Variants in PPM1H observed in about 807,000 individuals in gnomAD.
PPM1H encodes the protein protein phosphatase 1H.
A neutral mutation model predicts 54.9 loss-of-function variants in PPM1H; 27 were observed. The ratio of observed to expected loss-of-function variants is 0.49; its 90% CI spans 0.36 to 0.68. The LOEUF (loss-of-function observed/expected upper bound fraction) is 0.68. PPM1H is among the 30% of genes least tolerant of loss of function. The pLI, the probability that PPM1H is intolerant of heterozygous loss-of-function variation, is 0.00. For synonymous variants in PPM1H, 305 were observed against 270.8 expected, an observed-to-expected ratio of 1.13 and a Z score of -1.24; for missense variants, 596 against 667.8, an observed-to-expected ratio of 0.89 and a Z score of 1.19.
chr12:62,813,921 T>C (rs1020814807), intron 2 of PPM1H, among the ~76,000 whole-genome samples: 4 of 151,142 alleles, frequency 2.6e-5, no homozygotes, highest in African/African-American at 9.9e-5. Context: ...TGTTGTTATT[T>C]TAAAACGTTG....
At chr12:62,713,631 A>G (rs1038605428) in intron 6 of PPM1H, among the ~76,000 whole-genome samples, 1 of 152,112 alleles carries the variant, frequency 6.6e-6, no homozygotes, top group African/African-American at 2.4e-5. Context: ...GTGTGGCTAC[A>G]CCATTCCCTG....
At position 62,667,256 on chromosome 12, in the gene PPM1H, C is replaced by T; in HGVS notation, c.1319G>A (p.Trp440Ter). 1 of 1,601,158 alleles carries T rather than the reference C, an allele frequency of 6.2e-7. No homozygotes were observed. Among genetic ancestry groups the T allele is most frequent in the Non-Finnish European group, 8.6e-7 (1 of 1,168,482 alleles). Residue 440 changes from tryptophan to a stop codon, truncating the protein, a stop_gained, in exon 9 of 10, where the codon TGG becomes TAG. Transcript: ENST00000228705. LOFTEE classifies it high-confidence loss of function. ...DVLILATDGL[W>*]DVLSNEEVAE... is the part of the protein sequence containing the mutation. ...TACTTCTTCATTTGATAAAACGTCC[C>T]AGAGTCCATCAGTGGCCAAGATCAG...
intron 4 of PPM1H, among the ~76,000 whole-genome samples, chr12:62,783,729 G>A (rs889260440): frequency 2.0e-5 from 3 of 152,206 alleles, no homozygotes; most frequent in African/African-American, 7.2e-5. Context: ...TTTTAATGCC[G>A]CTATTACTAT....
chr12:62,674,257 C>T (rs1346744266), intron 8 of PPM1H, among the ~76,000 whole-genome samples: 2 of 152,010 alleles, frequency 1.3e-5, no homozygotes, highest in Non-Finnish European at 2.9e-5. Flanking sequence ...GGATTCAATT[C>T]CCAAAGTCTC....
chr12:62,780,664 C>T (rs1181950850), intron 4 of PPM1H, among the ~76,000 whole-genome samples: 1 of 152,164 alleles, frequency 6.6e-6, no homozygotes, highest in Non-Finnish European at 1.5e-5. Flanking sequence ...TGTGGTTAAG[C>T]TTCACCTGGT....
At chr12:62,811,827 C>A (rs149994544) in intron 2 of PPM1H, among the ~76,000 whole-genome samples, 1,540 of 152,284 alleles carry the variant, frequency 0.01, 9 homozygotes, top group Non-Finnish European at 0.015. Context: ...AACTGTGAGT[C>A]AATTAAACCT....
intron 2 of PPM1H, among the ~76,000 whole-genome samples, chr12:62,807,144 G>C (rs1240393712): frequency 6.6e-6 from 1 of 152,170 alleles, no homozygotes; most frequent in Non-Finnish European, 1.5e-5. Flanking sequence ...AGAGTGAGGA[G>C]CAAGATGAGG....
chr12:62,768,345 C>T (rs1023189083), intron 4 of PPM1H, among the ~76,000 whole-genome samples: 1 of 152,090 alleles, frequency 6.6e-6, no homozygotes, highest in African/African-American at 2.4e-5. Flanking sequence ...AATGCATGCT[C>T]TGAGGGACAA....
chr12:62,822,335 T>C (rs959103358), intron 2 of PPM1H, among the ~76,000 whole-genome samples: 10 of 152,054 alleles, frequency 6.6e-5, no homozygotes, highest in Admixed American at 6.6e-4. Flanking sequence ...CTGTCAATAT[T>C]AGATCAATGA....
chr12:62,683,058 TTATTATTATTATTA>T (rs1565755412), intron 8 of PPM1H, among the ~76,000 whole-genome samples: 7 of 145,054 alleles, frequency 4.8e-5, no homozygotes, highest in African/African-American at 1.7e-4. Context: ...ATTATTATTA[TTATTATTATTATTA>T]TTATTATTAT....
intron 8 of PPM1H, among the ~76,000 whole-genome samples, chr12:62,680,975 C>T (rs2136627925): frequency 6.6e-6 from 1 of 152,158 alleles, no homozygotes; most frequent in South Asian, 2.1e-4. Flanking sequence ...TCCTGTCTTC[C>T]AGCAGGTAAA....
intron 8 of PPM1H, among the ~76,000 whole-genome samples, chr12:62,684,968 T>C (rs1170919620): frequency 6.6e-6 from 1 of 152,024 alleles, no homozygotes; most frequent in Non-Finnish European, 1.5e-5. Flanking sequence ...TTCTCCTCCA[T>C]AGTAGCCAAT....
At chr12:62,732,580 T>C (rs2076328059) in intron 5 of PPM1H, among the ~76,000 whole-genome samples, 1 of 151,690 alleles carries the variant, frequency 6.6e-6, no homozygotes, top group Non-Finnish European at 1.5e-5. Context: ...TTTCGGTTTT[T>C]TTTTTTTTTG....
intron 8 of PPM1H, among the ~76,000 whole-genome samples, chr12:62,677,793 C>T (rs550534675): frequency 6.6e-6 from 1 of 152,308 alleles, no homozygotes; most frequent in Non-Finnish European, 1.5e-5. Context: ...GGTGAAGCAA[C>T]ACGGTAAGGA....
intron 7 of PPM1H, 66 bp downstream of exon 7, chr12:62,693,870 G>T: frequency 1.4e-6 from 2 of 1,428,970 alleles, no homozygotes; most frequent in South Asian, 1.2e-5. Flanking sequence ...GACTGCCACG[G>T]GCTATGTGGA....
intron 1 of PPM1H, among the ~76,000 whole-genome samples, chr12:62,887,437 T>C (rs1592655567): frequency 6.6e-6 from 1 of 152,348 alleles, no homozygotes; most frequent in East Asian, 1.9e-4. Context: ...CATGTTCAAG[T>C]GACAATTGCC....
At position 62,662,453 on chromosome 12, in the gene PPM1H, C is replaced by A. The variant is rs531603750; in HGVS notation, c.1397+4725G>T. Among the ~76,000 whole-genome samples the A allele has an allele frequency of 1.4e-3, 215 of 152,326 alleles. 1 individual carries two copies. Among genetic ancestry groups the A allele is most frequent in the African/African-American group, 4.9e-3 (205 of 41,576 alleles). On this transcript the variant is annotated intron_variant, in intron 9 of 9. Coordinates refer to ENST00000228705, the MANE Select transcript of PPM1H (RefSeq NM_020700.2). ...ATTCGAGGAGGAGACAGATGGTCTACCTTCACGTTTCCTGAATTTCTGTTG... is the reference window on the plus strand; with the variant it reads ...ATTCGAGGAGGAGACAGATGGTCTAACTTCACGTTTCCTGAATTTCTGTTG...
At chr12:62,805,126 A>G (rs544139369) in intron 2 of PPM1H, among the ~76,000 whole-genome samples, 1 of 152,366 alleles carries the variant, frequency 6.6e-6, no homozygotes, top group East Asian at 1.9e-4. Flanking sequence ...GCTCAAAATC[A>G]ATAATCATCA....
intron 2 of PPM1H, among the ~76,000 whole-genome samples, chr12:62,828,368 C>T (rs1021743396): frequency 1.3e-5 from 2 of 152,210 alleles, no homozygotes; most frequent in African/African-American, 4.8e-5. Context: ...CCTTCCTAAA[C>T]CCTGAGAACA....
Sources: gnomAD v4.1 joint callset for allele counts (sites outside exome capture counted in the v4.1 genomes callset) on GRCh38, gnomAD v4.1.1 for gene constraint, MANE v1.5 for transcripts, NCBI Gene and HGNC (gene_info 2026-07-23, HGNC 2026-07-21) for gene names.